The following EPHA6 variants were observed in gnomAD, a reference collection of about 807,000 sequenced individuals.
EPHA6 encodes the protein ephrin type-A receptor 6.
In EPHA6, 50 loss-of-function variants were observed where a neutral mutation model predicts 112.0. The observed-to-expected ratio is 0.45, with a 90% confidence interval of 0.36 to 0.56. EPHA6 has a LOEUF of 0.56. Among genes scored for constraint, EPHA6 ranks in the 20% least tolerant of loss-of-function variants. EPHA6 has a pLI of 0.00. For missense variants in EPHA6, 1,280 were observed against 1,417.4 expected, an observed-to-expected ratio of 0.90 and a Z score of 1.56; for synonymous variants, 529 against 490.7, an observed-to-expected ratio of 1.08 and a Z score of -1.03.
chr3:97,561,044 AT>A (rs1454572641), intron 11 of EPHA6, among the ~76,000 whole-genome samples: 10 of 151,922 alleles, frequency 6.6e-5, no homozygotes, highest in African/African-American at 2.4e-4. Flanking sequence ...GGTAAACTTA[AT>A]TGATCAATGT....
intron 3 of EPHA6, among the ~76,000 whole-genome samples, chr3:97,112,117 A>G (rs1010288650): frequency 6.6e-6 from 1 of 152,132 alleles, no homozygotes. Flanking sequence ...TATGAGGTTC[A>G]TAAAGATATA....
intron 5 of EPHA6, among the ~76,000 whole-genome samples, chr3:97,307,980 C>T (rs946116008): frequency 6.6e-6 from 1 of 151,692 alleles, no homozygotes; most frequent in South Asian, 2.1e-4. Flanking sequence ...CTCCCATCAA[C>T]CTTTTTTTTT....
At chr3:97,658,119 T>C (rs1386932417) in intron 14 of EPHA6, among the ~76,000 whole-genome samples, 2 of 151,984 alleles carry the variant, frequency 1.3e-5, no homozygotes, top group Admixed American at 1.3e-4. Flanking sequence ...GGCATTATTC[T>C]TAGCATTATG....
intron 3 of EPHA6, among the ~76,000 whole-genome samples, chr3:97,142,115 A>T (rs1337363027): frequency 6.6e-6 from 1 of 152,032 alleles, no homozygotes; most frequent in African/African-American, 2.4e-5. Flanking sequence ...AAATCCTAGA[A>T]AACAGCATTC....
At chr3:96,996,830 A>C (rs2043442074) in intron 3 of EPHA6, among the ~76,000 whole-genome samples, 1 of 152,076 alleles carries the variant, frequency 6.6e-6, no homozygotes, top group Admixed American at 6.6e-5. Flanking sequence ...TTAAACTCAC[A>C]AGCTGCATTA....
chr3:97,581,788 C>T lies in EPHA6; in HGVS notation c.2387-10824C>T, dbSNP rs183681416. The stretch of plus-strand genomic sequence containing the variant: ...GCTCTTCCCATTGCAGCTTTGCTGC[C>T]TCCTGAGGGAGCACAGATGAGGGCA... On this transcript the variant is annotated intron_variant, in intron 11 of 17. Transcript: ENST00000389672. 1.4e-3 allele frequency among the ~76,000 whole-genome samples: 211 copies of T among 152,318 alleles called. 5 individuals carry two copies. The East Asian group carries it at 0.034, about 25-fold the overall frequency.
At chr3:97,170,397 A>C (rs1447720404) in intron 3 of EPHA6, among the ~76,000 whole-genome samples, 1 of 152,152 alleles carries the variant, frequency 6.6e-6, no homozygotes, top group Non-Finnish European at 1.5e-5. Context: ...TGAATGTGAA[A>C]GACTGGATAA....
intron 7 of EPHA6, among the ~76,000 whole-genome samples, chr3:97,474,785 T>C (rs1201547816): frequency 6.6e-6 from 1 of 152,006 alleles, no homozygotes; most frequent in African/African-American, 2.4e-5. Context: ...CTTTTAAACA[T>C]CATTTTTCCA....
chr3:97,681,246 T>C (rs540114748), intron 14 of EPHA6, among the ~76,000 whole-genome samples: 13 of 152,170 alleles, frequency 8.5e-5, no homozygotes, highest in African/African-American at 2.9e-4. Flanking sequence ...CAGGGATAAA[T>C]GGAAATAAGC....
At chr3:96,939,692 T>C (rs2040823005) in intron 2 of EPHA6, among the ~76,000 whole-genome samples, 1 of 152,214 alleles carries the variant, frequency 6.6e-6, no homozygotes, top group Non-Finnish European at 1.5e-5. Context: ...TTAATTGTGA[T>C]GTTAGGGTGT....
At chr3:96,820,096 C>G (rs181949980) in intron 1 of EPHA6, among the ~76,000 whole-genome samples, 1 of 151,792 alleles carries the variant, frequency 6.6e-6, no homozygotes, top group South Asian at 2.1e-4. Context: ...GCAAGGGTCT[C>G]GAAGAGAAAT....
intron 2 of EPHA6, among the ~76,000 whole-genome samples, chr3:96,875,491 A>G (rs1576207525): frequency 6.6e-6 from 1 of 152,140 alleles, no homozygotes; most frequent in East Asian, 1.9e-4. Flanking sequence ...TTGAAAGAGC[A>G]TGTTTTGTAG....
intron 2 of EPHA6, among the ~76,000 whole-genome samples, chr3:96,931,803 C>A (rs1368149690): frequency 6.6e-6 from 1 of 152,172 alleles, no homozygotes; most frequent in Admixed American, 6.5e-5. Context: ...CCTCAGAATA[C>A]CGCTGCTTGG....
At chr3:97,345,688 A>G (rs2083500320) in intron 5 of EPHA6, among the ~76,000 whole-genome samples, 1 of 152,164 alleles carries the variant, frequency 6.6e-6, no homozygotes, top group Non-Finnish European at 1.5e-5. Flanking sequence ...GATTAACACT[A>G]TATTCTGAAT....
chr3:97,278,169 T>A (rs1187891373), intron 5 of EPHA6, among the ~76,000 whole-genome samples: 1 of 152,232 alleles, frequency 6.6e-6, no homozygotes, highest in Admixed American at 6.5e-5. Flanking sequence ...TGATTTTGAT[T>A]TCTCATACAT....
intron 2 of EPHA6, among the ~76,000 whole-genome samples, chr3:96,880,004 G>A (rs981823448): frequency 6.6e-6 from 1 of 152,004 alleles, no homozygotes. Flanking sequence ...TGGGTACAAT[G>A]TACGCTATTT....
At chr3:97,109,871 A>C (rs2047673057) in intron 3 of EPHA6, among the ~76,000 whole-genome samples, 1 of 152,128 alleles carries the variant, frequency 6.6e-6, no homozygotes, top group Non-Finnish European at 1.5e-5. Context: ...ACAAGTACAG[A>C]AGTGATCATA....
In EPHA6 at chr3:97,496,427, C is replaced by T. The variant is rs112594059; in HGVS notation, c.2200+12368C>T. Among the ~76,000 whole-genome samples, 768 of 152,138 alleles carry T rather than the reference C, an allele frequency of 5.0e-3. 8 individuals are homozygous for T. Among genetic ancestry groups the T allele is most frequent in the African/African-American group, 0.018 (731 of 41,518 alleles). ...ATCACATATGTCTATTTTACAGATA[C>T]GAAAGCTAAGATTTAAAGAGATTAA... On this transcript the variant is annotated intron_variant, in intron 10 of 17. Coordinates refer to ENST00000389672, the MANE Select transcript of EPHA6 (RefSeq NM_001080448.3).
In EPHA6 at chr3:96,829,242, T is replaced by TGATTGGAGGATGGA. The variant is rs2033862065; in HGVS notation, c.385+14234_385+14235insGATTGGAGGATGGA. Among the ~76,000 whole-genome samples, 3 of 152,286 alleles carry TGATTGGAGGATGGA rather than the reference T, an allele frequency of 2.0e-5. No homozygotes were observed. The South Asian group carries it at 6.2e-4, about 32-fold the overall frequency. On this transcript the variant is annotated intron_variant, in intron 1 of 17. Coordinates refer to ENST00000389672, the MANE Select transcript of EPHA6 (RefSeq NM_001080448.3). ...GGGAGTAGAGGAGAATCATTCGTTT[T>TGATTGGAGGATGGA]ATGTTTGGAAACTTAAAAGGGAAAA...
Sources: gnomAD v4.1 joint callset for allele counts (sites outside exome capture counted in the v4.1 genomes callset) on GRCh38, gnomAD v4.1.1 for gene constraint, MANE v1.5 for transcripts, NCBI Gene and HGNC (gene_info 2026-07-23, HGNC 2026-07-21) for gene names.